Variants in GNA14 observed in about 807,000 individuals in gnomAD.
GNA14 encodes guanine nucleotide-binding protein subunit alpha-14.
In GNA14, 50 loss-of-function variants were observed where a neutral mutation model predicts 42.0. The ratio of observed to expected loss-of-function variants is 1.19; its 90% CI spans 0.95 to 1.51. The LOEUF (loss-of-function observed/expected upper bound fraction) is 1.51, where lower values mean the gene tolerates loss of function less well. Ranked by LOEUF, GNA14 falls within the 40% of genes most tolerant of loss-of-function variation. GNA14 has a pLI of 0.00. For missense variants in GNA14, 473 were observed against 446.2 expected (o/e 1.06, Z -0.54); for synonymous variants, 173 against 163.1 (o/e 1.06, Z -0.46).
chr9:77,534,110 G>C (rs566809753), intron 1 of GNA14, among the ~76,000 whole-genome samples: 1 of 152,132 alleles, frequency 6.6e-6, no homozygotes, highest in African/African-American at 2.4e-5. Context: ...TATTTGCCAC[G>C]ATCAAACTAA....
intron 1 of GNA14, among the ~76,000 whole-genome samples, chr9:77,594,076 G>C (rs1823428429): frequency 6.6e-6 from 1 of 152,230 alleles, no homozygotes; most frequent in Admixed American, 6.5e-5. Context: ...TAGCATAGGG[G>C]AGGTGATATG....
intron 2 of GNA14, among the ~76,000 whole-genome samples, chr9:77,453,497 C>G (rs1835949511): frequency 1.3e-5 from 2 of 152,132 alleles, no homozygotes; most frequent in Admixed American, 6.5e-5. Context: ...TCTTTACATT[C>G]AATAAATACT....
chr9:77,433,795 C>T (rs1564012623), intron 3 of GNA14, among the ~76,000 whole-genome samples: 1 of 152,148 alleles, frequency 6.6e-6, no homozygotes, highest in Non-Finnish European at 1.5e-5. Context: ...TAGGCCTTCG[C>T]AGGCAGCCAA....
chr9:77,632,653 T>A (rs1431295885), intron 1 of GNA14, among the ~76,000 whole-genome samples: 1 of 152,148 alleles, frequency 6.6e-6, no homozygotes, highest in Non-Finnish European at 1.5e-5. Flanking sequence ...AGCTTCTGGA[T>A]GCCACCATGT....
chr9:77,621,545 G>A (rs544300513), intron 1 of GNA14, among the ~76,000 whole-genome samples: 12 of 152,122 alleles, frequency 7.9e-5, no homozygotes, highest in South Asian at 2.1e-4. Flanking sequence ...GTTGGCTTAC[G>A]TAAAACAAAC....
intron 1 of GNA14, among the ~76,000 whole-genome samples, chr9:77,540,340 A>G (rs1355404438): frequency 6.6e-6 from 1 of 152,074 alleles, no homozygotes; most frequent in African/African-American, 2.4e-5. Flanking sequence ...AGAAAATAAC[A>G]GTATAATTTT....
intron 1 of GNA14, among the ~76,000 whole-genome samples, chr9:77,603,200 C>T (rs1564064125): frequency 6.6e-6 from 1 of 152,180 alleles, no homozygotes; most frequent in Non-Finnish European, 1.5e-5. Flanking sequence ...TCATCTCCTA[C>T]TGTTCCAAAA....
At chr9:77,634,798 AAG>A (rs1587856028) in intron 1 of GNA14, among the ~76,000 whole-genome samples, 2 of 152,312 alleles carry the variant, frequency 1.3e-5, no homozygotes, top group East Asian at 3.9e-4. Flanking sequence ...AACCACTATA[AAG>A]AGAGAGACAT....
At chr9:77,553,546 A>G (rs1017012252) in intron 1 of GNA14, among the ~76,000 whole-genome samples, 4 of 152,248 alleles carry the variant, frequency 2.6e-5, no homozygotes, top group African/African-American at 9.6e-5. Context: ...ACAAGTAGGC[A>G]TATGAAAACT....
At chr9:77,562,833 A>T (rs1587831029) in intron 1 of GNA14, among the ~76,000 whole-genome samples, 1 of 152,098 alleles carries the variant, frequency 6.6e-6, no homozygotes, top group South Asian at 2.1e-4. Context: ...GATCCCTAGT[A>T]TTTACTATGA....
intron 1 of GNA14, among the ~76,000 whole-genome samples, chr9:77,614,254 T>C (rs1306828920): frequency 6.6e-6 from 1 of 151,930 alleles, no homozygotes. Context: ...GAATAGGAGA[T>C]TTATTATAGG....
intron 1 of GNA14, among the ~76,000 whole-genome samples, chr9:77,601,784 G>T (rs1823569598): frequency 6.6e-6 from 1 of 152,202 alleles, no homozygotes; most frequent in Non-Finnish European, 1.5e-5. Flanking sequence ...GCCCACTGGT[G>T]CCGGGCTCTT....
intron 1 of GNA14, among the ~76,000 whole-genome samples, chr9:77,605,414 A>AG (rs1304344965): frequency 6.6e-6 from 1 of 150,428 alleles, no homozygotes; most frequent in African/African-American, 2.5e-5. Context: ...TTGGCATTTG[A>AG]GAAAATGACA....
chr9:77,632,600 G>A (rs1482620831), intron 1 of GNA14, among the ~76,000 whole-genome samples: 2 of 152,146 alleles, frequency 1.3e-5, no homozygotes, highest in African/African-American at 4.8e-5. Context: ...CCTAAGCCAG[G>A]GCTGTGACTC....
intron 2 of GNA14, among the ~76,000 whole-genome samples, chr9:77,487,980 T>G (rs1428549128): frequency 1.3e-5 from 2 of 152,086 alleles, no homozygotes; most frequent in Non-Finnish European, 2.9e-5. Context: ...TGACATCACA[T>G]TTGATACCAG....
chr9:77,500,210 G>A (rs894127094), intron 2 of GNA14, among the ~76,000 whole-genome samples: 1 of 151,912 alleles, frequency 6.6e-6, no homozygotes, highest in Non-Finnish European at 1.5e-5. Flanking sequence ...TAGAGACGGG[G>A]TTTGACCATA....
At chr9:77,475,853 T>C (rs1172279682) in intron 2 of GNA14, among the ~76,000 whole-genome samples, 1 of 152,128 alleles carries the variant, frequency 6.6e-6, no homozygotes, top group Non-Finnish European at 1.5e-5. Flanking sequence ...TGCTCGATGC[T>C]GTGGGTTGGG....
chr9:77,490,236 GT>G (rs1156888022), intron 2 of GNA14, among the ~76,000 whole-genome samples: 1 of 152,198 alleles, frequency 6.6e-6, no homozygotes, highest in African/African-American at 2.4e-5. Flanking sequence ...TAAACACAGG[GT>G]GCTGATTGCT....
At chr9:77,432,152 G>C (rs1217374627) in intron 3 of GNA14, among the ~76,000 whole-genome samples, 1 of 151,336 alleles carries the variant, frequency 6.6e-6, no homozygotes, top group Non-Finnish European at 1.5e-5. Context: ...GACACTTTTA[G>C]GTAAAATAAC....
Sources: gnomAD v4.1 joint callset for allele counts (sites outside exome capture counted in the v4.1 genomes callset) on GRCh38, gnomAD v4.1.1 for gene constraint, MANE v1.5 for transcripts, NCBI Gene and HGNC (gene_info 2026-07-23, HGNC 2026-07-21) for gene names.